Variants in TULP4 observed in about 807,000 individuals in gnomAD.
TULP4 encodes tubby-related protein 4.
In TULP4, 16 loss-of-function variants were observed where a neutral mutation model predicts 129.0. The observed-to-expected ratio is 0.12, with a 90% confidence interval of 0.08 to 0.19. The LOEUF (loss-of-function observed/expected upper bound fraction) is 0.19. Ranked by LOEUF, TULP4 falls within the 10% of genes least tolerant of loss-of-function variation. The pLI, the probability that TULP4 is intolerant of heterozygous loss-of-function variation, is 1.00. For missense variants in TULP4, 1,842 were observed against 2,059.1 expected, an observed-to-expected ratio of 0.89 and a Z score of 2.04; for synonymous variants, 998 against 854.0, an observed-to-expected ratio of 1.17 and a Z score of -2.94.
rs7773809 is a variant in TULP4 at position 158,387,531 on chromosome 6, G to C, written c.253-25534G>C. ...TAAGTAGCAGCCTGATCAGTAAATAGTTTTTTCTTATGCTGACTTCATGGA... is the reference window on the plus strand; with the variant it reads ...TAAGTAGCAGCCTGATCAGTAAATACTTTTTTCTTATGCTGACTTCATGGA... On this transcript the variant is annotated intron_variant, in intron 1 of 13. Transcript: ENST00000367097. Among the ~76,000 whole-genome samples the C allele has an allele frequency of 3.7e-3, 556 of 152,252 alleles. 3 individuals are homozygous for C. The highest frequency in any genetic ancestry group is 0.013 in the African/African-American group (527 of 41,536).
chr6:158,492,675 T>C (rs2128256875), intron 9 of TULP4, among the ~76,000 whole-genome samples: 1 of 152,292 alleles, frequency 6.6e-6, no homozygotes, highest in East Asian at 1.9e-4. Context: ...TTGTCCCACA[T>C]CATAGCTTTA....
At chr6:158,456,931 C>G (rs867610039) in intron 5 of TULP4, among the ~76,000 whole-genome samples, 2 of 151,942 alleles carry the variant, frequency 1.3e-5, no homozygotes, top group Non-Finnish European at 2.9e-5. Flanking sequence ...TTTACCTTTT[C>G]TCTCTTGGGA....
intron 6 of TULP4, 58 bp from the exon 7 acceptor site, chr6:158,479,693 T>C (rs1774430868): frequency 6.5e-7 from 1 of 1,543,564 alleles, no homozygotes. Context: ...GCATTATCCC[T>C]TTTTGCTTCC....
intron 1 of TULP4, among the ~76,000 whole-genome samples, chr6:158,408,285 C>T (rs1028284722): frequency 2.0e-5 from 3 of 151,966 alleles, no homozygotes; most frequent in Admixed American, 2.0e-4. Context: ...AAGGGTGGCA[C>T]GAAGCATGTG....
rs563383934 is a variant in TULP4, at chr6:158,464,765, G to A, written c.1026+3036G>A. ...GCTTCAGGGTGAATAAATGGTAAAT[G>A]TCTCCTTTCAGACCTTAAAAGGTAT... On this transcript the variant is annotated intron_variant, in intron 6 of 13. Transcript: ENST00000367097. Among the ~76,000 whole-genome samples the A allele has an allele frequency of 1.2e-3, 188 of 152,254 alleles. 1 individual carries two copies. Among genetic ancestry groups the A allele is most frequent in the African/African-American group, 4.4e-3 (181 of 41,532 alleles).
chr6:158,387,630 A>G (rs970177188), intron 1 of TULP4, among the ~76,000 whole-genome samples: 3 of 152,186 alleles, frequency 2.0e-5, no homozygotes, highest in African/African-American at 7.2e-5. Flanking sequence ...ATATTTTACT[A>G]AAGGTTCTCA....
intron 3 of TULP4, among the ~76,000 whole-genome samples, chr6:158,441,890 A>G (rs975074617): frequency 2.0e-5 from 3 of 152,176 alleles, no homozygotes; most frequent in Non-Finnish European, 4.4e-5. Flanking sequence ...AAGAGAATCA[A>G]CTGTTTGATA....
chr6:158,388,968 G>T (rs1777521519), intron 1 of TULP4, among the ~76,000 whole-genome samples: 1 of 152,180 alleles, frequency 6.6e-6, no homozygotes, highest in Non-Finnish European at 1.5e-5. Flanking sequence ...TTGTTAGTCT[G>T]TCGAGGTTTC....
intron 8 of TULP4, among the ~76,000 whole-genome samples, chr6:158,488,274 C>G (rs536199457): frequency 6.6e-6 from 1 of 152,132 alleles, no homozygotes; most frequent in African/African-American, 2.4e-5. Context: ...TGCATGCATG[C>G]TTGAGTCATA....
At chr6:158,298,840 G>T (rs1437060746) in intron 1 of TULP4, among the ~76,000 whole-genome samples, 3 of 152,180 alleles carry the variant, frequency 2.0e-5, no homozygotes, top group Non-Finnish European at 2.9e-5. Flanking sequence ...GCGCCACAAA[G>T]AAGCAATCCT....
At chr6:158,307,568 GC>G (rs775589547), upstream of TULP4, among the ~76,000 whole-genome samples, 1 of 152,036 alleles carries the variant, frequency 6.6e-6, no homozygotes, top group Non-Finnish European at 1.5e-5. Context: ...TGCAACCTCC[GC>G]CTCCTGGGTT....
At chr6:158,245,626 G>A (rs944034238) in intron 1 of TULP4, among the ~76,000 whole-genome samples, 4 of 152,106 alleles carry the variant, frequency 2.6e-5, no homozygotes, top group Non-Finnish European at 4.4e-5. Context: ...GGAAATGTTA[G>A]AACAGATATA....
chr6:158,280,958 A>G (rs537690821), upstream of TULP4, among the ~76,000 whole-genome samples: 117 of 152,360 alleles, frequency 7.7e-4, no homozygotes, highest in African/African-American at 2.6e-3. Context: ...AAAGAAATGA[A>G]TAGCAGATAC....
intron 1 of TULP4, among the ~76,000 whole-genome samples, chr6:158,294,277 C>T (rs963368851): frequency 6.0e-5 from 9 of 151,234 alleles, no homozygotes; most frequent in Admixed American, 2.6e-4. Flanking sequence ...GCAGGAGAAT[C>T]GCATGAACCT....
chr6:158,238,034 A>G, intron 1 of TULP4: 1 of 705,214 alleles, frequency 1.4e-6, no homozygotes, highest in Non-Finnish European at 2.6e-6. Flanking sequence ...TTTTGATACC[A>G]CCAGATAGCT....
In TULP4 at chr6:158,449,164, G is replaced by A. The variant is rs769888430; in HGVS notation, c.712G>A (p.Ala238Thr). The change falls in exon 4 of 14, where the codon GCC (alanine) becomes ACC (threonine). Residue 238 changes from alanine (A) to threonine (T), a missense_variant. Transcript: ENST00000367097. ...GAGCGACACGGACTCAGATGACTACGCCCCTCCCCAAGGTACTCATTGGCC... is the reference window on the plus strand; with the variant it reads ...GAGCGACACGGACTCAGATGACTACACCCCTCCCCAAGGTACTCATTGGCC... ...SESDTDSDDY[A>T]PPQDGPAAYP... is the part of the protein sequence containing the mutation. 9.3e-6 allele frequency: 15 copies of A among 1,612,574 alleles called. No individual in the cohort carries two copies. Among genetic ancestry groups the A allele is most frequent in the Admixed American group, 5.0e-5 (3 of 59,966 alleles).
chr6:158,462,398 T>C lies in TULP4; in HGVS notation c.1026+669T>C, dbSNP rs542243958. On this transcript the variant is annotated intron_variant, in intron 6 of 13. Coordinates refer to ENST00000367097, the MANE Select transcript of TULP4 (RefSeq NM_020245.5). The stretch of plus-strand genomic sequence containing the variant: ...CTTTTTTTCTTTCTTTTTTTTTTTT[T>C]TGAGACGCTTTCTCACCCAGGCTGG... Among the ~76,000 whole-genome samples, 369 of 151,512 alleles carry C rather than the reference T, an allele frequency of 2.4e-3. 4 individuals carry two copies. The highest frequency in any genetic ancestry group is 8.6e-3 in the African/African-American group (356 of 41,366).
rs201772574 is a variant in TULP4, at chr6:158,502,650, T to C, written c.2987T>C (p.Leu996Pro). Residue 996 changes from leucine to proline, a missense_variant, in exon 13 of 14, where the codon CTC (leucine) becomes CCC (proline). Coordinates refer to ENST00000367097, the MANE Select transcript of TULP4 (RefSeq NM_020245.5). The part of the protein sequence containing the change: ...TLRRNNREAT[L>P]KMAQLADSPR... ...CGGAGGAACAACCGTGAGGCTACGC[T>C]CAAGATGGCCCAGCTGGCCGACAGC... The C allele has an allele frequency of 6.9e-5, 109 of 1,577,278 alleles. 1 individual carries two copies. In the Middle Eastern group the frequency reaches 2.4e-3, roughly 34 times the overall value.
intron 3 of TULP4, among the ~76,000 whole-genome samples, chr6:158,437,017 A>T (rs1001466355): frequency 5.3e-5 from 8 of 152,210 alleles, no homozygotes; most frequent in African/African-American, 1.9e-4. Flanking sequence ...CCCTGAGGCC[A>T]CTGTGTCTTC....
Sources: gnomAD v4.1 joint callset for allele counts (sites outside exome capture counted in the v4.1 genomes callset) on GRCh38, gnomAD v4.1.1 for gene constraint, MANE v1.5 for transcripts, NCBI Gene and HGNC (gene_info 2026-07-23, HGNC 2026-07-21) for gene names.